The following TNKS variants were observed in gnomAD, a reference collection of about 807,000 sequenced individuals.
TNKS encodes poly [ADP-ribose] polymerase tankyrase-1.
TNKS carries 72 observed loss-of-function variants against 135.8 expected under a neutral mutation model. The observed-to-expected ratio is 0.53, with a 90% CI of 0.44 to 0.64. The LOEUF is 0.64. TNKS is among the 30% of genes least tolerant of loss of function. TNKS has a pLI of 0.00. For missense variants in TNKS, 1,769 were observed against 1,674.0 expected (o/e 1.06, Z -0.99); for synonymous variants, 849 against 649.3 (o/e 1.31, Z -4.68).
chr8:9,747,757 G>C (rs1284608717), intron 17 of TNKS, among the ~76,000 whole-genome samples: 1 of 152,138 alleles, frequency 6.6e-6, no homozygotes, highest in Non-Finnish European at 1.5e-5. Context: ...GAATATATTA[G>C]AGGGATGCAT....
At chr8:9,591,724 A>C (rs376958602) in intron 2 of TNKS, among the ~76,000 whole-genome samples, 1 of 152,156 alleles carries the variant, frequency 6.6e-6, no homozygotes, top group Non-Finnish European at 1.5e-5. Context: ...TCGTTTTCTT[A>C]ATGGTATCTG....
intron 18 of TNKS, among the ~76,000 whole-genome samples, chr8:9,751,314 ATATAG>A (rs1806517054): frequency 6.6e-6 from 1 of 152,272 alleles, no homozygotes; most frequent in South Asian, 2.1e-4. Context: ...CGTAAACAAA[ATATAG>A]TAAACACAGA....
chr8:9,706,059 T>C (rs1233185271), intron 6 of TNKS, 128 bp from the exon 7 acceptor site: 4 of 512,966 alleles, frequency 7.8e-6, no homozygotes, highest in Non-Finnish European at 1.3e-5. Flanking sequence ...TCTTTTATTA[T>C]TTTATTAAAT....
At position 9,628,425 on chromosome 8, in the gene TNKS, G is replaced by C. The variant is rs566751603; in HGVS notation, c.994+12748G>C. ...TTGCATATCCGTTGGCCACTTTCTC[G>C]TGGAGCCTCTCAGCAGCATTCAACA... is the stretch of plus-strand genomic sequence containing the variant. On this transcript the variant is annotated intron_variant, in intron 3 of 26. Transcript: ENST00000310430. Among the ~76,000 whole-genome samples the C allele has an allele frequency of 1.9e-4, 29 of 151,830 alleles. No homozygotes were observed. In the South Asian group the frequency reaches 6.0e-3, roughly 32 times the overall value.
intron 22 of TNKS, 47 bp downstream of exon 22, chr8:9,763,291 G>C: frequency 7.6e-7 from 1 of 1,319,868 alleles, no homozygotes; most frequent in Non-Finnish European, 1.1e-6. Context: ...GAAATCTGTG[G>C]ATAAACCTCT....
At chr8:9,602,418 G>A (rs529669827) in intron 2 of TNKS, among the ~76,000 whole-genome samples, 2 of 152,234 alleles carry the variant, frequency 1.3e-5, no homozygotes, top group African/African-American at 4.8e-5. Flanking sequence ...GAAAGCCCAC[G>A]CCTCCTCACA....
At chr8:9,560,000 C>G (rs1797263076) in intron 1 of TNKS, among the ~76,000 whole-genome samples, 2 of 152,090 alleles carry the variant, frequency 1.3e-5, no homozygotes, top group South Asian at 4.1e-4. Flanking sequence ...ATGAGCCATT[C>G]TTTTATTGTT....
In TNKS at chr8:9,680,174, A is replaced by T. The variant is rs35072936; in HGVS notation, c.1031+187A>T. ...AATAAAATCTTTTCATGTGGTGATGATTATAAGGTTAATTTTATTTGGAAC... is the reference window on the plus strand; with the variant it reads ...AATAAAATCTTTTCATGTGGTGATGTTTATAAGGTTAATTTTATTTGGAAC... On this transcript the variant is annotated intron_variant, in intron 4 of 26. Transcript: ENST00000310430. 4.4e-3 allele frequency among the ~76,000 whole-genome samples: 674 copies of T among 152,240 alleles called. 1 individual carries two copies. The highest frequency in any genetic ancestry group is 0.015 in the African/African-American group (630 of 41,550).
At position 9,782,211 on chromosome 8, in the gene TNKS, C is replaced by G. The variant is rs1318194827; in HGVS notation, c.*5475C>G. 6.6e-6 allele frequency: 1 copy of G among 152,628 alleles called. No homozygotes were observed. The highest frequency in any genetic ancestry group is 1.5e-5 in the Non-Finnish European group (1 of 68,040). The allele number at this position is 152,628 out of a possible 1,614,324, so 9.5% of individuals were successfully genotyped here. ...CTTTCCAAAGGAGGGCATCAAGGAA[C>G]TTAACCTGCCTGCCTGGTGGGTTTC... On this transcript the variant is annotated 3_prime_UTR_variant, in exon 27 of 27. Transcript: ENST00000310430.
intron 8 of TNKS, among the ~76,000 whole-genome samples, chr8:9,707,801 A>G (rs78635875): frequency 0.08 from 12,135 of 152,244 alleles, 527 homozygotes; most frequent in South Asian, 0.17. Flanking sequence ...CCCATATTTT[A>G]GTCCTTTCCT....
At chr8:9,682,609 C>T (rs1197848954) in intron 5 of TNKS, among the ~76,000 whole-genome samples, 1 of 152,000 alleles carries the variant, frequency 6.6e-6, no homozygotes, top group Non-Finnish European at 1.5e-5. Flanking sequence ...TTCTTTTACT[C>T]CTCTACTAGC....
chr8:9,720,442 C>T lies in TNKS; in HGVS notation c.1818C>T (p.Thr606=). The change falls in exon 12 of 27, where the codon ACC becomes ACT. Residue 606 remains threonine (T), a synonymous_variant. Transcript: ENST00000310430. ...CCGCCCTAGCAGGTCACCTGCAGAC[C>T]TGCCGCCTCCTGCTGAGTTACGGCT... ...HRAALAGHLQ[T]CRLLLSYGSD... 1 of 1,614,148 alleles carries T rather than the reference C, an allele frequency of 6.2e-7. No homozygotes were observed. The highest frequency in any genetic ancestry group is 8.5e-7 in the Non-Finnish European group (1 of 1,180,022).
At chr8:9,691,792 C>G (rs552199051) in intron 5 of TNKS, among the ~76,000 whole-genome samples, 5 of 152,150 alleles carry the variant, frequency 3.3e-5, no homozygotes, top group Admixed American at 6.5e-5. Context: ...TTTGTATATG[C>G]TATGTCATTT....
At chr8:9,706,135 A>C (rs1804032784) in intron 6 of TNKS, 52 bp from the exon 7 acceptor site, 1 of 1,343,468 alleles carries the variant, frequency 7.4e-7, no homozygotes, top group Non-Finnish European at 1.0e-6. Context: ...TACGACATGG[A>C]TAAATAAGTT....
At chr8:9,761,689 G>A (rs1807156983) in intron 21 of TNKS, 53 bp downstream of exon 21, 10 of 1,557,196 alleles carry the variant, frequency 6.4e-6, no homozygotes, top group Middle Eastern at 1.7e-4. Flanking sequence ...TACAAGGTAA[G>A]TATTGGGGCT....
chr8:9,615,110 T>C (rs1036782984), intron 2 of TNKS, among the ~76,000 whole-genome samples: 2 of 152,180 alleles, frequency 1.3e-5, no homozygotes, highest in African/African-American at 4.8e-5. Context: ...GTGAGTTTCA[T>C]GTGCAAGTGG....
At chr8:9,751,881 C>A (rs774485055) in intron 19 of TNKS, 35 bp downstream of exon 19, 1 of 1,591,736 alleles carries the variant, frequency 6.3e-7, no homozygotes, top group Non-Finnish European at 8.6e-7. Flanking sequence ...TTTATTTATA[C>A]CTTTTGTTAG....
intron 26 of TNKS, among the ~76,000 whole-genome samples, chr8:9,771,377 A>AAGG (rs1807845974): frequency 1.1e-5 from 1 of 88,286 alleles, no homozygotes; most frequent in African/African-American, 3.5e-5. Flanking sequence ...GAAGGGAGGG[A>AAGG]GGGAAAGAGA....
chr8:9,777,072 T>C lies in TNKS; in HGVS notation c.*336T>C. On this transcript the variant is annotated 3_prime_UTR_variant, in exon 27 of 27. Coordinates refer to ENST00000310430, the MANE Select transcript of TNKS (RefSeq NM_003747.3). ...CCAATGCTTTTTCAAATGTTCACAA[T>C]TCACACACTACATTTGTTTTGTTAT... 1 of 275,972 alleles carries C rather than the reference T, an allele frequency of 3.6e-6. No homozygotes were observed. The highest frequency in any genetic ancestry group is 7.0e-6 in the Non-Finnish European group (1 of 143,880). The allele number at this position is 275,972 out of a possible 1,614,324, so 17.1% of individuals were successfully genotyped here. A position where few individuals can be genotyped will look rare whatever the true frequency, so the allele number is the denominator to read the frequency against.
Sources: allele counts gnomAD v4.1 joint callset (sites outside exome capture counted in the v4.1 genomes callset), GRCh38; gene constraint gnomAD v4.1.1; transcripts MANE v1.5; gene names NCBI Gene and HGNC (gene_info 2026-07-23, HGNC 2026-07-21).